DISC1: variants seen among roughly 807,000 people sequenced by gnomAD.
DISC1 encodes the protein DISC1 scaffold protein, also known as disrupted in schizophrenia 1 protein.
In DISC1, 57 loss-of-function variants were observed where a neutral mutation model predicts 84.5. The observed-to-expected ratio is 0.67, with a 90% CI of 0.55 to 0.84. DISC1 has a LOEUF of 0.84. Ranked by LOEUF, DISC1 falls within the 40% of genes least tolerant of loss-of-function variation. The probability of loss-of-function intolerance (pLI) is 0.00; values close to 1 mark genes in which losing one functional copy is unlikely to be tolerated. For synonymous variants in DISC1, 411 were observed against 415.2 expected (o/e 0.99, Z 0.12); for missense variants, 1,000 against 1,057.8 (o/e 0.95, Z 0.76).
chr1:231,832,774 G>A (rs1001163993), intron 9 of DISC1, among the ~76,000 whole-genome samples: 5 of 146,760 alleles, frequency 3.4e-5, no homozygotes, highest in African/African-American at 7.6e-5. Flanking sequence ...GGGTGGATAG[G>A]CAAAACAATT....
rs1178322831 is a variant in DISC1 at position 231,707,602 on chromosome 1, TG to T, written c.1117+5580del. On this transcript the variant is annotated intron_variant, in intron 3 of 12. Transcript: ENST00000439617. ...AATGGGAAATGCTCAAAGTCACCAT[TG>T]GCTATGATCTCTGCCCTTAATTTAC... is the stretch of plus-strand genomic sequence containing the variant. 6.6e-5 allele frequency among the ~76,000 whole-genome samples: 10 copies of T among 152,358 alleles called. No individual in the cohort carries two copies. The East Asian group carries it at 1.9e-3, about 29-fold the overall frequency.
intron 10 of DISC1, among the ~76,000 whole-genome samples, chr1:231,962,744 A>T (rs202004270): frequency 4.3e-4 from 65 of 152,116 alleles, no homozygotes; most frequent in Non-Finnish European, 5.6e-4. Flanking sequence ...TATATACATA[A>T]TTTCAACAGT....
intron 9 of DISC1, among the ~76,000 whole-genome samples, chr1:231,832,394 A>ATG (rs1574141703): frequency 2.0e-5 from 3 of 149,994 alleles, no homozygotes; most frequent in Non-Finnish European, 4.4e-5. Flanking sequence ...TTCTGACCTC[A>ATG]CTAACCATGC....
chr1:231,771,100 T>A, intron 6 of DISC1, 30 bp downstream of exon 6: 2 of 1,544,472 alleles, frequency 1.3e-6, no homozygotes, highest in Non-Finnish European at 1.8e-6. Flanking sequence ...TGATTTTGGG[T>A]CGCTCGCCTC....
chr1:231,690,976 T>TTTGCCCTCCTGGGC (rs1477477130), intron 1 of DISC1, among the ~76,000 whole-genome samples: 2 of 152,158 alleles, frequency 1.3e-5, no homozygotes, highest in African/African-American at 4.8e-5. Flanking sequence ...CTCTCTTATG[T>TTTGCCCTCCTGGGC]TTGCCCTCCT....
Position 231,800,170 on chromosome 1 carries a change from A to T in DISC1, c.1752A>T (p.Gln584His). ...LRKKVNDIET[Q>H]LPALLEAKMH... ...AGAAAGTTAACGATATTGAAACCCA[A>T]CTACCAGCCTTGCTTGAAGCCAAAA... The change falls in exon 8 of 13, where the codon CAA becomes CAT. Residue 584 changes from glutamine to histidine, a missense_variant. Physicochemically the swap from Gln to His is conservative, Grantham distance 24. Around this residue, in one of 3 missense-constraint regions of DISC1, gnomAD observed 397 missense variants for 377.5 expected, o/e 1.05. Coordinates refer to ENST00000439617, the MANE Select transcript of DISC1 (RefSeq NM_018662.3). 3 of 1,612,020 alleles carry T rather than the reference A, an allele frequency of 1.9e-6. No individual in the cohort carries two copies. Among genetic ancestry groups the T allele is most frequent in the Non-Finnish European group, 2.5e-6 (3 of 1,179,732 alleles).
At chr1:231,697,442 A>G (rs1334368343) in intron 2 of DISC1, among the ~76,000 whole-genome samples, 1 of 151,660 alleles carries the variant, frequency 6.6e-6, no homozygotes, top group Non-Finnish European at 1.5e-5. Context: ...GTCATTTTTC[A>G]TTTTTATTTT....
In DISC1 at chr1:231,649,866, A is replaced by AC. The variant is rs527917035; in HGVS notation, c.67+22934dup. On this transcript the variant is annotated intron_variant, in intron 1 of 12. Transcript: ENST00000439617. ...TGGTTTAAAGTCTGTTTTATCAGAG[A>AC]CCAGGATTGCAACCCCTGCTTTTTT... Among the ~76,000 whole-genome samples, 273 of 152,226 alleles carry AC rather than the reference A, an allele frequency of 1.8e-3. 2 individuals carry two copies. The highest frequency in any genetic ancestry group is 6.2e-3 in the African/African-American group (259 of 41,522).
rs373498473 is a variant in DISC1 at position 231,697,642 on chromosome 1, G to A, written c.1047+2837G>A. 4.0e-5 allele frequency among the ~76,000 whole-genome samples: 6 copies of A among 148,392 alleles called. No homozygotes were observed. The South Asian group carries it at 8.7e-4, about 21-fold the overall frequency. ...TTTTTTTTTTTGGGTAGAGATGAGG[G>A]TCTTGCCACGTTGCCCAAACTGGTC... is the stretch of plus-strand genomic sequence containing the variant. On this transcript the variant is annotated intron_variant, in intron 2 of 12. Coordinates refer to ENST00000439617, the MANE Select transcript of DISC1 (RefSeq NM_018662.3).
At chr1:231,879,180 A>C (rs1361065266) in intron 9 of DISC1, among the ~76,000 whole-genome samples, 1 of 152,044 alleles carries the variant, frequency 6.6e-6, no homozygotes, top group East Asian at 1.9e-4. Context: ...AAATGCTCCA[A>C]TTAGCATTTC....
intron 1 of DISC1, among the ~76,000 whole-genome samples, chr1:231,691,852 C>G (rs1395334601): frequency 6.6e-6 from 1 of 152,216 alleles, no homozygotes; most frequent in East Asian, 1.9e-4. Context: ...CTGCCCCTGC[C>G]GGTCGGGCCC....
intron 9 of DISC1, among the ~76,000 whole-genome samples, chr1:231,886,766 CCTTTCTTTCTTTCTTTCTTTCTTTCTTT>C (rs3084378): frequency 1.1e-4 from 9 of 84,380 alleles, no homozygotes; most frequent in Non-Finnish European, 1.5e-4. Flanking sequence ...TTCCTTCCTT[CCTTTCTTTCTTTCTTTCTTTCTTTCTTT>C]CTTTCTTTCT....
At chr1:231,737,490 G>C (rs1226224140) in intron 3 of DISC1, among the ~76,000 whole-genome samples, 13 of 152,150 alleles carry the variant, frequency 8.5e-5, no homozygotes, top group Non-Finnish European at 1.9e-4. Flanking sequence ...TCTAGAGAAA[G>C]ACTGCAGAGA....
intron 3 of DISC1, among the ~76,000 whole-genome samples, chr1:231,732,277 T>G (rs915562951): frequency 4.6e-5 from 7 of 152,192 alleles, no homozygotes; most frequent in Non-Finnish European, 5.9e-5. Flanking sequence ...ATCATGAATT[T>G]TTTTACAACC....
chr1:231,769,445 T>C (rs555871312), intron 5 of DISC1, among the ~76,000 whole-genome samples: 2 of 152,322 alleles, frequency 1.3e-5, no homozygotes, highest in East Asian at 3.9e-4. Context: ...GGAAGGAAAT[T>C]CTGACACACG....
Position 232,037,978 on chromosome 1 carries a change from GCAGTGCAGTACTCAGTAACA to G in DISC1, c.*1166_*1185del, listed in dbSNP as rs1286159050. The G allele has an allele frequency of 2.8e-5, 4 of 144,398 alleles. No homozygotes were observed. The highest frequency in any genetic ancestry group is 9.9e-5 in the African/African-American group (4 of 40,322). 8.9% of individuals were successfully genotyped at this position (144,398 alleles called of 1,614,324 possible). A position where few individuals can be genotyped will look rare whatever the true frequency, so the allele number is the denominator to read the frequency against. On this transcript the variant is annotated 3_prime_UTR_variant, in exon 13 of 13. Coordinates refer to ENST00000439617, the MANE Select transcript of DISC1 (RefSeq NM_018662.3). Reference sequence around the variant, plus strand: ...CAGTAACAGTGCAGTACTCAGTAAGGCAGTGCAGTACTCAGTAACACAGTGCAGTACTCAGTAATACAGTA... The same window carrying G: ...CAGTAACAGTGCAGTACTCAGTAAGGCAGTGCAGTACTCAGTAATACAGTA...
intron 9 of DISC1, among the ~76,000 whole-genome samples, chr1:231,835,967 C>G (rs2082604446): frequency 6.6e-6 from 1 of 152,164 alleles, no homozygotes; most frequent in Non-Finnish European, 1.5e-5. Context: ...ATGCATTGGA[C>G]CTGGCCTTTC....
chr1:231,778,418 C>T (rs993627839), intron 6 of DISC1, among the ~76,000 whole-genome samples: 2 of 152,162 alleles, frequency 1.3e-5, no homozygotes, highest in African/African-American at 4.8e-5. Flanking sequence ...TAATTCTATT[C>T]CTAGGAGCTC....
intron 3 of DISC1, among the ~76,000 whole-genome samples, chr1:231,714,731 A>G (rs1213404510): frequency 1.3e-5 from 2 of 149,014 alleles, no homozygotes; most frequent in Non-Finnish European, 3.0e-5. Context: ...AGATATAGGG[A>G]GAGAGAGAGA....
Sources: gnomAD v4.1 joint callset for allele counts (sites outside exome capture counted in the v4.1 genomes callset) on GRCh38, gnomAD v4.1.1 for gene constraint, gnomAD v4.1.1 regional missense constraint, MANE v1.5 for transcripts, NCBI Gene and HGNC (gene_info 2026-07-23, HGNC 2026-07-21) for gene names.